Variants in HADHB observed in about 807,000 individuals in gnomAD.
HADHB encodes the protein trifunctional enzyme subunit beta, mitochondrial.
In HADHB, 50 loss-of-function variants were observed where a neutral mutation model predicts 61.9. The ratio of observed to expected loss-of-function variants is 0.81; its 90% CI spans 0.64 to 1.02. HADHB has a LOEUF of 1.02. Among genes scored for constraint, HADHB ranks in the 50% least tolerant of loss-of-function variants. HADHB has a pLI of 0.00. For synonymous variants in HADHB, 191 were observed against 201.6 expected (o/e 0.95, Z 0.45); for missense variants, 504 against 586.5 (o/e 0.86, Z 1.45).
intron 3 of HADHB, among the ~76,000 whole-genome samples, chr2:26,257,156 T>G (rs1163033772): frequency 6.6e-6 from 1 of 150,426 alleles, no homozygotes; most frequent in African/African-American, 2.5e-5. Context: ...AGTCTCGTGC[T>G]GTCGCCCAGG....
At chr2:26,285,966 G>A (rs1673018786) in intron 15 of HADHB, among the ~76,000 whole-genome samples, 1 of 151,688 alleles carries the variant, frequency 6.6e-6, no homozygotes, top group African/African-American at 2.4e-5. Flanking sequence ...TCGAATTGCC[G>A]ACTTCAAGTG....
intron 7 of HADHB, among the ~76,000 whole-genome samples, chr2:26,278,222 G>A (rs112694070): frequency 5.0e-4 from 76 of 152,212 alleles, no homozygotes; most frequent in African/African-American, 1.6e-3. Flanking sequence ...CCTGCCTTAC[G>A]TTTCAACAGC....
At chr2:26,248,268 T>G (rs1384012034) in intron 1 of HADHB, among the ~76,000 whole-genome samples, 1 of 152,266 alleles carries the variant, frequency 6.6e-6, no homozygotes, top group African/African-American at 2.4e-5. Flanking sequence ...TGCCAAACAG[T>G]ATTCCATGGT....
intron 1 of HADHB, among the ~76,000 whole-genome samples, chr2:26,249,764 TAAAC>T (rs1175874731): frequency 6.6e-6 from 1 of 152,014 alleles, no homozygotes; most frequent in Non-Finnish European, 1.5e-5. Flanking sequence ...ACTTGAGTGT[TAAAC>T]TGATGAAACC....
In HADHB at chr2:26,290,263, T is replaced by G; in HGVS notation, c.*310T>G. 2.4e-6 allele frequency: 1 copy of G among 422,702 alleles called. No homozygotes were observed. Among genetic ancestry groups the G allele is most frequent in the Non-Finnish European group, 4.3e-6 (1 of 230,338 alleles). The allele number at this position is 422,702 out of a possible 1,614,324, so 26.2% of individuals were successfully genotyped here. ...CAGTTGGGAAAGAGGTCAACTGAGA[T>G]TTGGAAATCATCTTTGTAATATTTG... On this transcript the variant is annotated 3_prime_UTR_variant, in exon 16 of 16. Coordinates refer to ENST00000317799, the MANE Select transcript of HADHB (RefSeq NM_000183.3).
At chr2:26,264,251 TA>T (rs1671975841) in intron 4 of HADHB, among the ~76,000 whole-genome samples, 1 of 151,610 alleles carries the variant, frequency 6.6e-6, no homozygotes, top group Non-Finnish European at 1.5e-5. Context: ...ATGTTAAGTA[TA>T]AAAAGCAAGG....
rs375746054 is a variant in HADHB at position 26,245,190 on chromosome 2, C to T, written c.-9+200C>T. 2.1e-5 allele frequency: 4 copies of T among 188,118 alleles called. No individual in the cohort carries two copies. In the East Asian group the frequency reaches 5.0e-4, roughly 23 times the overall value. The allele number at this position is 188,118 out of a possible 1,614,324, so 11.7% of individuals were successfully genotyped here. Reference sequence around the variant, plus strand: ...ACAGTGACTTGGACTAGCGTTCCAGCTGAAGTTCGGGACAGTAGTGTCACC... The same window carrying T: ...ACAGTGACTTGGACTAGCGTTCCAGTTGAAGTTCGGGACAGTAGTGTCACC... On this transcript the variant is annotated intron_variant, in intron 1 of 15. Transcript: ENST00000317799.
chr2:26,287,700 G>A (rs901100732), intron 15 of HADHB, among the ~76,000 whole-genome samples: 3 of 152,188 alleles, frequency 2.0e-5, no homozygotes, highest in African/African-American at 7.2e-5. Flanking sequence ...AACATGGTTG[G>A]AGACAGAGGA....
chr2:26,247,307 C>A (rs956576464), intron 1 of HADHB, among the ~76,000 whole-genome samples: 1 of 152,156 alleles, frequency 6.6e-6, no homozygotes, highest in African/African-American at 2.4e-5. Context: ...TGAAGTTTAG[C>A]AAATGACAGA....
At chr2:26,281,825 A>G (rs1267185730) in intron 10 of HADHB, among the ~76,000 whole-genome samples, 1 of 152,246 alleles carries the variant, frequency 6.6e-6, no homozygotes, top group African/African-American at 2.4e-5. Context: ...TTATAAAAAT[A>G]CGACAGAATG....
rs1267365357 is a variant in HADHB at position 26,282,893 on chromosome 2, G to A, written c.982G>A (p.Ala328Thr). ...AATCATGGCGGAGGAAAAGGCTCTG[G>A]CCATGGGTTATAAGCCGAAGGCATA... ...MLIMAEEKAL[A>T]MGYKPKAYLR... Residue 328 changes from alanine (A) to threonine (T), a missense_variant, in exon 11 of 16, where the codon GCC becomes ACC. By Grantham distance (58) the Ala-to-Thr change is moderately conservative. Coordinates refer to ENST00000317799, the MANE Select transcript of HADHB (RefSeq NM_000183.3). 2.5e-6 allele frequency: 4 copies of A among 1,612,956 alleles called. No homozygotes were observed. The highest frequency in any genetic ancestry group is 3.4e-6 in the Non-Finnish European group (4 of 1,179,128).
At position 26,248,096 on chromosome 2, in the gene HADHB, T is replaced by C. The variant is rs531489304; in HGVS notation, c.-9+3106T>C. On this transcript the variant is annotated intron_variant, in intron 1 of 15. Coordinates refer to ENST00000317799, the MANE Select transcript of HADHB (RefSeq NM_000183.3). ...ACAAAATGGTTGTTGTAGTAGGGTT[T>C]ACTTACCCATTTCCCTATTTTCCAG... Among the ~76,000 whole-genome samples the C allele has an allele frequency of 2.1e-3, 315 of 152,366 alleles. 1 individual carries two copies. Among genetic ancestry groups the C allele is most frequent in the Non-Finnish European group, 3.7e-3 (253 of 68,032 alleles).
intron 14 of HADHB, 27 bp from the exon 15 acceptor site, chr2:26,285,380 T>C: frequency 6.2e-7 from 1 of 1,605,174 alleles, no homozygotes; most frequent in Non-Finnish European, 8.5e-7. Flanking sequence ...AAACTTATCT[T>C]TACATTTGTG....
At chr2:26,251,951 G>T (rs76482695) in intron 1 of HADHB, among the ~76,000 whole-genome samples, 2,159 of 152,286 alleles carry the variant, frequency 0.014, 22 homozygotes, top group South Asian at 0.045. Context: ...ACTTTAGCTG[G>T]GTTGCTCTGA....
At chr2:26,275,497 C>T (rs945135265) in intron 6 of HADHB, among the ~76,000 whole-genome samples, 5 of 152,198 alleles carry the variant, frequency 3.3e-5, no homozygotes, top group African/African-American at 7.2e-5. Context: ...AAGCTCCTTC[C>T]GTCCTGAGAG....
intron 6 of HADHB, among the ~76,000 whole-genome samples, chr2:26,274,382 G>A (rs1672461090): frequency 1.3e-5 from 2 of 152,234 alleles, no homozygotes; most frequent in African/African-American, 2.4e-5. Context: ...ATTGGATGAA[G>A]TTGGCACCAA....
At chr2:26,260,736 G>A (rs1671827755) in intron 3 of HADHB, 1 of 431,118 alleles carries the variant, frequency 2.3e-6, no homozygotes, top group Non-Finnish European at 4.2e-6. Context: ...ACTACAGCTG[G>A]AAAGGTGTTA....
chr2:26,271,024 G>A (rs1574656697), intron 5 of HADHB, among the ~76,000 whole-genome samples: 2 of 150,280 alleles, frequency 1.3e-5, no homozygotes, highest in South Asian at 2.1e-4. Context: ...GACTACAGGC[G>A]CCTGCCACCA....
chr2:26,258,926 A>C (rs1045804455), intron 3 of HADHB, among the ~76,000 whole-genome samples: 1 of 152,154 alleles, frequency 6.6e-6, no homozygotes, highest in African/African-American at 2.4e-5. Flanking sequence ...CCGTGTTTAA[A>C]GGTGGGTGCA....
Sources: allele counts gnomAD v4.1 joint callset (sites outside exome capture counted in the v4.1 genomes callset), GRCh38; gene constraint gnomAD v4.1.1; transcripts MANE v1.5; gene names NCBI Gene and HGNC (gene_info 2026-07-23, HGNC 2026-07-21).